The following XKR9 variants were observed in gnomAD, a reference collection of about 807,000 sequenced individuals.
XKR9 encodes XK-related protein 9.
XKR9 carries 32 observed loss-of-function variants against 32.0 expected under a neutral mutation model. The ratio of observed to expected loss-of-function variants is 1.00; its 90% CI spans 0.76 to 1.34. XKR9 has a LOEUF of 1.34. Among genes scored for constraint, XKR9 ranks in the 40% most tolerant of loss-of-function variants. The pLI is 0.00. For synonymous variants in XKR9, 168 were observed against 143.4 expected (o/e 1.17, Z -1.22); for missense variants, 546 against 429.7 (o/e 1.27, Z -2.39).
the XKR9 span, among the ~76,000 whole-genome samples, chr8:70,902,665 A>G: frequency 6.6e-6 from 1 of 151,876 alleles, no homozygotes; most frequent in African/African-American, 2.4e-5. Flanking sequence ...AACTTCCAAC[A>G]CTCTGTTGAG....
Position 70,678,758 on chromosome 8 carries a change from C to T in XKR9, c.-278-2023C>T, listed in dbSNP as rs139721753. Among the ~76,000 whole-genome samples, 30 of 152,112 alleles carry T rather than the reference C, an allele frequency of 2.0e-4. 1 individual carries two copies. The East Asian group carries it at 5.0e-3, about 25-fold the overall frequency. ...AGTGATCATAACTGTTGCTTTATTC[C>T]GTGAGAAGAATGAAATACCTTTTAA... On this transcript the variant is annotated intron_variant, in intron 2 of 4. Transcript: ENST00000408926.
chr8:70,954,627 C>A, the XKR9 span, among the ~76,000 whole-genome samples: 6 of 152,202 alleles, frequency 3.9e-5, no homozygotes, highest in African/African-American at 1.4e-4. Flanking sequence ...GAACTGCTAA[C>A]CTTGAGCCAA....
chr8:70,920,866 A>G, the XKR9 span, among the ~76,000 whole-genome samples: 1 of 152,210 alleles, frequency 6.6e-6, no homozygotes, highest in Admixed American at 6.5e-5. Flanking sequence ...ATTTAGAAAT[A>G]TGAATATTAA....
chr8:70,732,977 G>GCA (rs1806722074), intron 4 of XKR9, among the ~76,000 whole-genome samples: 1 of 152,148 alleles, frequency 6.6e-6, no homozygotes, highest in Non-Finnish European at 1.5e-5. Context: ...AGTTAGCTTG[G>GCA]TGTGGTGGCA....
chr8:70,732,702 A>G (rs965059528), intron 4 of XKR9, among the ~76,000 whole-genome samples: 1 of 152,224 alleles, frequency 6.6e-6, no homozygotes, highest in Non-Finnish European at 1.5e-5. Context: ...GAGTTTGACT[A>G]ATGAGGTACA....
At chr8:71,031,930 A>G in the XKR9 span, among the ~76,000 whole-genome samples, 1 of 152,160 alleles carries the variant, frequency 6.6e-6, no homozygotes, top group Non-Finnish European at 1.5e-5. Context: ...TGTTCTCATT[A>G]TGACACTGCG....
chr8:70,785,039 G>C (rs1340885028), intron 2 of XKR9, among the ~76,000 whole-genome samples: 2 of 152,032 alleles, frequency 1.3e-5, no homozygotes, highest in African/African-American at 4.8e-5. Context: ...GAGTTTGGAA[G>C]TGTTACTTCT....
chr8:70,851,079 CAA>C, the XKR9 span, among the ~76,000 whole-genome samples: 1 of 152,198 alleles, frequency 6.6e-6, no homozygotes, highest in Non-Finnish European at 1.5e-5. Context: ...GCAACTTCAG[CAA>C]AGTCTCAGGA....
chr8:70,987,559 G>A, the XKR9 span, among the ~76,000 whole-genome samples: 2 of 152,180 alleles, frequency 1.3e-5, no homozygotes, highest in African/African-American at 4.8e-5. Flanking sequence ...CACAGCCTTG[G>A]GCACCTCTGC....
the XKR9 span, among the ~76,000 whole-genome samples, chr8:70,815,375 A>G: frequency 6.6e-6 from 1 of 151,998 alleles, no homozygotes; most frequent in Non-Finnish European, 1.5e-5. Flanking sequence ...CTACGTGTCC[A>G]TGTGTTCTAA....
chr8:70,797,125 A>G, the XKR9 span, among the ~76,000 whole-genome samples: 1 of 152,198 alleles, frequency 6.6e-6, no homozygotes, highest in East Asian at 1.9e-4. Flanking sequence ...TCCCTTTTCA[A>G]CTAACACTTC....
chr8:71,039,928 A>T, the XKR9 span, among the ~76,000 whole-genome samples: 1 of 152,174 alleles, frequency 6.6e-6, no homozygotes, highest in African/African-American at 2.4e-5. Context: ...TGCTCTCAGG[A>T]TATGGAAAAA....
the XKR9 span, among the ~76,000 whole-genome samples, chr8:70,962,336 G>A: frequency 6.6e-6 from 1 of 152,118 alleles, no homozygotes; most frequent in South Asian, 2.1e-4. Flanking sequence ...GTACCCAATA[G>A]TTTTTCAAAC....
At chr8:70,966,629 T>C in the XKR9 span, among the ~76,000 whole-genome samples, 4 of 152,210 alleles carry the variant, frequency 2.6e-5, no homozygotes, top group Non-Finnish European at 5.9e-5. Flanking sequence ...TAGATATCTA[T>C]CAGGTCTGCT....
At chr8:70,815,734 C>T in the XKR9 span, among the ~76,000 whole-genome samples, 1 of 151,924 alleles carries the variant, frequency 6.6e-6, no homozygotes, top group Non-Finnish European at 1.5e-5. Flanking sequence ...ACCGTGTTAG[C>T]CAGGATGGTC....
At chr8:70,805,331 C>T in the XKR9 span, among the ~76,000 whole-genome samples, 1 of 152,248 alleles carries the variant, frequency 6.6e-6, no homozygotes, top group Non-Finnish European at 1.5e-5. Flanking sequence ...TGTCTCACCC[C>T]AGAGCTGCGC....
the XKR9 span, among the ~76,000 whole-genome samples, chr8:70,797,983 T>C: frequency 6.6e-6 from 1 of 152,342 alleles, no homozygotes; most frequent in South Asian, 2.1e-4. Context: ...TTCCATGTCT[T>C]TGCTATTGTG....
intron 4 of XKR9, among the ~76,000 whole-genome samples, chr8:70,707,720 T>C (rs562459292): frequency 6.6e-6 from 1 of 152,188 alleles, no homozygotes; most frequent in South Asian, 2.1e-4. Flanking sequence ...GTGGAATTAC[T>C]GGGTAAGAGT....
At chr8:70,695,171 T>A (rs1240953221) in intron 3 of XKR9, among the ~76,000 whole-genome samples, 38 of 146,602 alleles carry the variant, frequency 2.6e-4, no homozygotes, top group Admixed American at 5.3e-4. Context: ...TTAAAAAAAT[T>A]TTTTTTTATT....
Sources: allele counts gnomAD v4.1 joint callset (sites outside exome capture counted in the v4.1 genomes callset), GRCh38; gene constraint gnomAD v4.1.1; transcripts MANE v1.5; gene names NCBI Gene and HGNC (gene_info 2026-07-23, HGNC 2026-07-21).